The following RFTN2 variants were observed in gnomAD, a reference collection of about 807,000 sequenced individuals.
RFTN2 encodes raftlin family member 2.
RFTN2 carries 34 observed loss-of-function variants against 52.7 expected under a neutral mutation model. That is an observed-to-expected ratio of 0.64 (90% CI 0.49 to 0.86). The LOEUF is 0.86. Among genes scored for constraint, RFTN2 ranks in the 40% least tolerant of loss-of-function variants. The pLI, the probability that RFTN2 is intolerant of heterozygous loss-of-function variation, is 0.00. For missense variants in RFTN2, 536 were observed against 600.1 expected, an observed-to-expected ratio of 0.89 and a Z score of 1.12; for synonymous variants, 203 against 217.7, an observed-to-expected ratio of 0.93 and a Z score of 0.59.
intron 8 of RFTN2, among the ~76,000 whole-genome samples, chr2:197,591,956 A>C (rs932802209): frequency 1.3e-5 from 2 of 149,394 alleles, no homozygotes; most frequent in Non-Finnish European, 3.0e-5. Context: ...CCCTCCCTGC[A>C]AGCCGAGGGA....
intron 3 of RFTN2, among the ~76,000 whole-genome samples, chr2:197,638,376 G>A (rs2088604799): frequency 1.0e-5 from 1 of 97,994 alleles, no homozygotes; most frequent in Non-Finnish European, 2.2e-5. Context: ...GGGAGTCTAA[G>A]TCTCTTTGTA....
intron 8 of RFTN2, among the ~76,000 whole-genome samples, chr2:197,591,058 A>T (rs1266494449): frequency 6.6e-6 from 1 of 152,202 alleles, no homozygotes; most frequent in African/African-American, 2.4e-5. Flanking sequence ...TCTGTTTTAC[A>T]GAGAGCTGAT....
At chr2:197,572,975 G>A (rs2087343723) in intron 8 of RFTN2, among the ~76,000 whole-genome samples, 1 of 152,122 alleles carries the variant, frequency 6.6e-6, no homozygotes, top group Non-Finnish European at 1.5e-5. Flanking sequence ...TGCCATGACT[G>A]TGAGGCCTCC....
intron 2 of RFTN2, among the ~76,000 whole-genome samples, chr2:197,645,462 G>C (rs1396810689): frequency 7.9e-6 from 1 of 125,880 alleles, no homozygotes; most frequent in Non-Finnish European, 1.8e-5. Context: ...TTAATTAAAG[G>C]GTTGTGTAAA....
At position 197,644,230 on chromosome 2, in the gene RFTN2, C is replaced by T; in HGVS notation, c.366G>A (p.Arg122=). ...SAAPSGQRRP[R]LVIEECPLTS... is the part of the protein sequence containing the mutation. ...TTAGGGGACATTCCTCAATCACGAGCCTTGGGCGTCTTTGTCCACTGGGTG... is the reference window on the plus strand; with the variant it reads ...TTAGGGGACATTCCTCAATCACGAGTCTTGGGCGTCTTTGTCCACTGGGTG... The change falls in exon 3 of 9, where the codon AGG becomes AGA. Residue 122 remains arginine, a synonymous_variant. Coordinates refer to ENST00000295049, the MANE Select transcript of RFTN2 (RefSeq NM_144629.3). The T allele has an allele frequency of 6.2e-7, 1 of 1,613,180 alleles. No individual in the cohort carries two copies. The highest frequency in any genetic ancestry group is 8.5e-7 in the Non-Finnish European group (1 of 1,179,176).
intron 8 of RFTN2, among the ~76,000 whole-genome samples, chr2:197,580,974 GTCTT>G (rs1219006003): frequency 6.6e-6 from 1 of 151,996 alleles, no homozygotes. Flanking sequence ...CCTCCTTCGT[GTCTT>G]CCTCTCGCAT....
chr2:197,618,845 C>G (rs1419606707), intron 5 of RFTN2, among the ~76,000 whole-genome samples: 1 of 151,552 alleles, frequency 6.6e-6, no homozygotes, highest in Non-Finnish European at 1.5e-5. Flanking sequence ...AGCCCCTCCG[C>G]CCGGCAGCCG....
chr2:197,611,247 T>A (rs994407476), intron 7 of RFTN2, among the ~76,000 whole-genome samples: 1 of 152,134 alleles, frequency 6.6e-6, no homozygotes, highest in Non-Finnish European at 1.5e-5. Context: ...GGTCCTGGAC[T>A]TTTTTTGGTT....
chr2:197,631,608 C>T (rs971292363), intron 4 of RFTN2, among the ~76,000 whole-genome samples: 6 of 152,150 alleles, frequency 3.9e-5, no homozygotes, highest in African/African-American at 1.4e-4. Context: ...TTCAACATGC[C>T]TTTGAAATGT....
intron 8 of RFTN2, 69 bp from the exon 9 acceptor site, chr2:197,572,349 A>T: frequency 1.4e-6 from 2 of 1,470,638 alleles, no homozygotes; most frequent in South Asian, 2.4e-5. Context: ...CTGGTCTAGC[A>T]CATGCTGCCT....
chr2:197,615,118 G>T (rs1183782584), intron 7 of RFTN2, among the ~76,000 whole-genome samples: 1 of 152,206 alleles, frequency 6.6e-6, no homozygotes, highest in Admixed American at 6.5e-5. Flanking sequence ...TTGCTAAACC[G>T]GGAAGGCCAG....
At chr2:197,671,994 T>G (rs1319458368) in intron 1 of RFTN2, among the ~76,000 whole-genome samples, 3 of 152,222 alleles carry the variant, frequency 2.0e-5, no homozygotes, top group African/African-American at 7.2e-5. Context: ...TATACATACA[T>G]CATATGCTCT....
chr2:197,660,841 G>A lies in RFTN2; in HGVS notation c.140-14175C>T, dbSNP rs1574750753. The stretch of plus-strand genomic sequence containing the variant: ...CCCAAAATGCTGGGATTACAGGTGT[G>A]AGCCACTGCGCCCGGCCAAGTATTT... On this transcript the variant is annotated intron_variant, in intron 1 of 8. Coordinates refer to ENST00000295049, the MANE Select transcript of RFTN2 (RefSeq NM_144629.3). Among the ~76,000 whole-genome samples the A allele has an allele frequency of 2.0e-5, 3 of 152,226 alleles. No homozygotes were observed. In the East Asian group the frequency reaches 5.8e-4, roughly 29 times the overall value.
At position 197,573,299 on chromosome 2, in the gene RFTN2, G is replaced by A. The variant is rs149297381; in HGVS notation, c.1234-1019C>T. Among the ~76,000 whole-genome samples the A allele has an allele frequency of 1.5e-3, 228 of 152,326 alleles. 1 individual carries two copies. Among genetic ancestry groups the A allele is most frequent in the African/African-American group, 5.0e-3 (208 of 41,566 alleles). Reference sequence around the variant, plus strand: ...TGATATGGACAGTGAAGTCCAGGTTGAGATGATTTCAGATGGAGATGAGGA... The same window carrying A: ...TGATATGGACAGTGAAGTCCAGGTTAAGATGATTTCAGATGGAGATGAGGA... On this transcript the variant is annotated intron_variant, in intron 8 of 8. Transcript: ENST00000295049.
At chr2:197,635,809 G>C (rs1235825647) in intron 3 of RFTN2, among the ~76,000 whole-genome samples, 1 of 141,184 alleles carries the variant, frequency 7.1e-6, no homozygotes, top group Non-Finnish European at 1.5e-5. Context: ...TGAAGTCCTT[G>C]CCCATGCCTA....
chr2:197,621,352 T>C (rs2088260751), intron 5 of RFTN2, among the ~76,000 whole-genome samples: 1 of 151,168 alleles, frequency 6.6e-6, no homozygotes, highest in African/African-American at 2.4e-5. Flanking sequence ...ACTAGCACAG[T>C]CCCACCTTGC....
At chr2:197,610,872 ATG>A (rs1463311728) in intron 7 of RFTN2, among the ~76,000 whole-genome samples, 5 of 152,130 alleles carry the variant, frequency 3.3e-5, no homozygotes, top group Non-Finnish European at 7.3e-5. Flanking sequence ...TGAGATAATC[ATG>A]TGTTTTTTGT....
At chr2:197,636,307 T>G (rs1184729702) in intron 3 of RFTN2, among the ~76,000 whole-genome samples, 4 of 132,406 alleles carry the variant, frequency 3.0e-5, no homozygotes, top group Non-Finnish European at 6.5e-5. Context: ...GGGATGGCAT[T>G]GAATCTGTAA....
intron 1 of RFTN2, among the ~76,000 whole-genome samples, chr2:197,660,845 C>T (rs1304111567): frequency 2.0e-5 from 3 of 152,150 alleles, no homozygotes; most frequent in African/African-American, 7.2e-5. Context: ...AGGTGTGAGC[C>T]ACTGCGCCCG....
Sources: gnomAD v4.1 joint callset for allele counts (sites outside exome capture counted in the v4.1 genomes callset) on GRCh38, gnomAD v4.1.1 for gene constraint, MANE v1.5 for transcripts, NCBI Gene and HGNC (gene_info 2026-07-23, HGNC 2026-07-21) for gene names.